TFB1M: variants seen among roughly 807,000 people sequenced by gnomAD.
The protein encoded by TFB1M is transcription factor B1, mitochondrial.
A neutral mutation model predicts 31.1 loss-of-function variants in TFB1M; 27 were observed. That is an observed-to-expected ratio of 0.87 (90% CI 0.64 to 1.20). The LOEUF is 1.20. Among genes scored for constraint, TFB1M ranks in the 50% most tolerant of loss-of-function variants. The probability of loss-of-function intolerance (pLI) is 0.00; values close to 1 mark genes in which losing one functional copy is unlikely to be tolerated. For missense variants in TFB1M, 394 were observed against 418.7 expected, an observed-to-expected ratio of 0.94 and a Z score of 0.51; for synonymous variants, 166 against 151.8, an observed-to-expected ratio of 1.09 and a Z score of -0.69.
intron 4 of TFB1M, among the ~76,000 whole-genome samples, chr6:155,289,816 T>C (rs915798052): frequency 7.9e-5 from 12 of 152,146 alleles, no homozygotes; most frequent in African/African-American, 2.9e-4. Context: ...GAAAGGTGAT[T>C]GGATCAAGGG....
chr6:155,304,317 C>G (rs1410817035), intron 2 of TFB1M, among the ~76,000 whole-genome samples: 1 of 151,996 alleles, frequency 6.6e-6, no homozygotes, highest in Non-Finnish European at 1.5e-5. Context: ...AAAGGCAATA[C>G]TAACAATACA....
In TFB1M at chr6:155,256,609, T is replaced by C. The variant is rs978787704; in HGVS notation, c.*1227A>G. Reference sequence around the variant, plus strand: ...GAGCAGCGGCACCCAGAGCAGCGGCTGCCCCACGGCTGAGGGCAGGCAGGA... The same window carrying C: ...GAGCAGCGGCACCCAGAGCAGCGGCCGCCCCACGGCTGAGGGCAGGCAGGA... On this transcript the variant is annotated 3_prime_UTR_variant, in exon 7 of 7. Transcript: ENST00000367166. The C allele has an allele frequency of 3.1e-6, 5 of 1,614,160 alleles. No homozygotes were observed. Among genetic ancestry groups the C allele is most frequent in the Non-Finnish European group, 3.4e-6 (4 of 1,180,020 alleles).
At chr6:155,259,797 T>C (rs1200426018) in intron 6 of TFB1M, among the ~76,000 whole-genome samples, 1 of 152,226 alleles carries the variant, frequency 6.6e-6, no homozygotes, top group Non-Finnish European at 1.5e-5. Flanking sequence ...GTTTTCCCAG[T>C]GATTCCTGAG....
At chr6:155,299,282 A>G (rs1327956970) in intron 2 of TFB1M, among the ~76,000 whole-genome samples, 1 of 152,176 alleles carries the variant, frequency 6.6e-6, no homozygotes, top group African/African-American at 2.4e-5. Context: ...GTGAGCAAAA[A>G]GGGGAAAAAA....
In TFB1M at chr6:155,257,698, G is replaced by GTA; in HGVS notation, c.*136_*137dup. The GTA allele has an allele frequency of 1.0e-6, 1 of 991,634 alleles. No homozygotes were observed. Among genetic ancestry groups the GTA allele is most frequent in the South Asian group, 1.5e-5 (1 of 67,142 alleles). 61.4% of individuals were successfully genotyped at this position (991,634 alleles called of 1,614,324 possible). ...TGATATTTATTTTCTCTGCCAAGCT[G>GTA]TATAGTAAAAGGAAAATAAGTCACA... On this transcript the variant is annotated 3_prime_UTR_variant, in exon 7 of 7. Transcript: ENST00000367166.
chr6:155,283,651 C>A (rs1171525143), intron 5 of TFB1M, among the ~76,000 whole-genome samples: 1 of 152,144 alleles, frequency 6.6e-6, no homozygotes, highest in Non-Finnish European at 1.5e-5. Flanking sequence ...TAAAAATATT[C>A]GAATATCTAT....
chr6:155,286,653 A>G (rs1029870698), intron 4 of TFB1M, among the ~76,000 whole-genome samples: 10 of 147,892 alleles, frequency 6.8e-5, no homozygotes, highest in African/African-American at 2.2e-4. Flanking sequence ...GTGTGTGTAT[A>G]TATATATGTA....
At chr6:155,271,722 CATAAA>C in intron 5 of TFB1M, among the ~76,000 whole-genome samples, 1 of 152,180 alleles carries the variant, frequency 6.6e-6, no homozygotes, top group Middle Eastern at 3.4e-3. Context: ...GAACTGAGGA[CATAAA>C]ATAATACATT....
chr6:155,281,647 A>G (rs896657398), intron 5 of TFB1M, among the ~76,000 whole-genome samples: 1 of 149,344 alleles, frequency 6.7e-6, no homozygotes, highest in Non-Finnish European at 1.5e-5. Flanking sequence ...ATTTGAACCC[A>G]GAAGGTGGAG....
chr6:155,297,134 T>C (rs1415628395), intron 3 of TFB1M, 30 bp from the exon 4 acceptor site: 1 of 1,606,866 alleles, frequency 6.2e-7, no homozygotes, highest in South Asian at 1.1e-5. Flanking sequence ...CAACCTGAAA[T>C]GATTCCATCA....
At chr6:155,248,170 C>T in the TFB1M span, 6 of 1,613,474 alleles carry the variant, frequency 3.7e-6, no homozygotes, top group African/African-American at 8.0e-5. Context: ...GGAGCACTAC[C>T]ACCTGACGGG....
chr6:155,312,588 T>C (rs1041787944), intron 1 of TFB1M, among the ~76,000 whole-genome samples: 6 of 152,236 alleles, frequency 3.9e-5, no homozygotes, highest in South Asian at 4.1e-4. Context: ...TTCAGGCACA[T>C]TGAAATACAA....
chr6:155,271,053 C>G (rs529285553), intron 5 of TFB1M, among the ~76,000 whole-genome samples: 1 of 152,290 alleles, frequency 6.6e-6, no homozygotes, highest in South Asian at 2.1e-4. Context: ...GAGTATCTTG[C>G]TCAATGCAAA....
intron 2 of TFB1M, among the ~76,000 whole-genome samples, chr6:155,307,970 C>T (rs1006950240): frequency 1.3e-5 from 2 of 150,994 alleles, no homozygotes; most frequent in Non-Finnish European, 2.9e-5. Flanking sequence ...GAGTGATTTA[C>T]GAATTTATCT....
Position 155,297,159 on chromosome 6 carries a change from C to T in TFB1M, c.395-55G>A, listed in dbSNP as rs568873255. The T allele has an allele frequency of 1.1e-5, 17 of 1,567,398 alleles. No individual in the cohort carries two copies. The African/African-American group carries it at 1.8e-4, about 16-fold the overall frequency. On this transcript the variant is annotated intron_variant, in intron 3 of 6. Transcript: ENST00000367166. ...TGATTCCATCAATATATTCTGAATA[C>T]AATTTCAGTGACGAGTAAAATCAGA...
At chr6:155,286,768 G>C (rs2114745461) in intron 4 of TFB1M, among the ~76,000 whole-genome samples, 1 of 151,278 alleles carries the variant, frequency 6.6e-6, no homozygotes, top group East Asian at 1.9e-4. Flanking sequence ...CCAGAGGCCA[G>C]GAGTTCAAGA....
downstream of TFB1M, among the ~76,000 whole-genome samples, chr6:155,251,761 G>T (rs1403699386): frequency 1.3e-5 from 2 of 152,214 alleles, no homozygotes; most frequent in Non-Finnish European, 2.9e-5. Flanking sequence ...AAATAAGCAG[G>T]TGCTTCTGCA....
chr6:155,314,480 G>A lies in TFB1M; in HGVS notation c.-52C>T. 1 of 1,612,894 alleles carries A rather than the reference G, an allele frequency of 6.2e-7. No homozygotes were observed. Among genetic ancestry groups the A allele is most frequent in the South Asian group, 1.1e-5 (1 of 91,024 alleles). On this transcript the variant is annotated 5_prime_UTR_variant, in exon 1 of 7. Transcript: ENST00000367166. ...TACCTCACCCAGGACCTTCACCGCC[G>A]CTCCGAAAGAAACGCGCAGGGGAGG...
the TFB1M span, among the ~76,000 whole-genome samples, chr6:155,243,546 G>A: frequency 6.6e-6 from 1 of 152,064 alleles, no homozygotes; most frequent in African/African-American, 2.4e-5. Flanking sequence ...CTACTTTTGG[G>A]GTCAGGAATT....
Sources: allele counts gnomAD v4.1 joint callset (sites outside exome capture counted in the v4.1 genomes callset), GRCh38; gene constraint gnomAD v4.1.1; transcripts MANE v1.5; gene names NCBI Gene and HGNC (gene_info 2026-07-23, HGNC 2026-07-21).